The following CNTNAP2 variants were observed in gnomAD, a reference collection of about 807,000 sequenced individuals.
CNTNAP2 encodes contactin associated protein 2, also known as contactin-associated protein-like 2.
CNTNAP2 carries 98 observed loss-of-function variants against 155.2 expected under a neutral mutation model. The ratio of observed to expected loss-of-function variants is 0.63; its 90% CI spans 0.54 to 0.75. The LOEUF is 0.75. Among genes scored for constraint, CNTNAP2 ranks in the 30% least tolerant of loss-of-function variants. The pLI, the probability that CNTNAP2 is intolerant of heterozygous loss-of-function variation, is 0.00. For synonymous variants in CNTNAP2, 651 were observed against 631.2 expected (o/e 1.03, Z -0.47); for missense variants, 1,727 against 1,688.1 (o/e 1.02, Z -0.40).
chr7:147,409,803 C>A (rs1250902926), intron 10 of CNTNAP2, among the ~76,000 whole-genome samples: 1 of 149,336 alleles, frequency 6.7e-6, no homozygotes, highest in Non-Finnish European at 1.5e-5. Context: ...AAAAAAAAAA[C>A]CTCAACATCA....
At chr7:146,719,371 T>C (rs1254736029) in intron 1 of CNTNAP2, among the ~76,000 whole-genome samples, 1 of 152,212 alleles carries the variant, frequency 6.6e-6, no homozygotes, top group Non-Finnish European at 1.5e-5. Context: ...CCCTAAACAA[T>C]CTTAAGTTGA....
At chr7:148,241,331 T>G (rs1019895026) in intron 20 of CNTNAP2, among the ~76,000 whole-genome samples, 3 of 152,218 alleles carry the variant, frequency 2.0e-5, no homozygotes, top group South Asian at 2.1e-4. Flanking sequence ...GATGTCAGGA[T>G]CAGTACCAAC....
chr7:146,170,247 A>T (rs901430865), intron 1 of CNTNAP2, among the ~76,000 whole-genome samples: 2 of 152,084 alleles, frequency 1.3e-5, no homozygotes, highest in African/African-American at 4.8e-5. Flanking sequence ...GCTGGTCTCA[A>T]ACTCCTGACC....
intron 1 of CNTNAP2, among the ~76,000 whole-genome samples, chr7:146,629,091 T>C (rs1335743252): frequency 6.6e-6 from 1 of 152,192 alleles, no homozygotes; most frequent in African/African-American, 2.4e-5. Context: ...TAATGTTATC[T>C]GCTTCCATAC....
chr7:147,339,663 A>G (rs1376215108), intron 9 of CNTNAP2, among the ~76,000 whole-genome samples: 4 of 151,480 alleles, frequency 2.6e-5, no homozygotes, highest in African/African-American at 9.7e-5. Flanking sequence ...TATTCTGTGT[A>G]TACAGAAATC....
chr7:146,378,127 G>A (rs926893328), intron 1 of CNTNAP2, among the ~76,000 whole-genome samples: 8 of 152,114 alleles, frequency 5.3e-5, no homozygotes, highest in African/African-American at 7.2e-5. Flanking sequence ...TGGAGAGTAG[G>A]TGCTTTATAA....
At chr7:146,652,896 T>C (rs1319717842) in intron 1 of CNTNAP2, among the ~76,000 whole-genome samples, 1 of 152,170 alleles carries the variant, frequency 6.6e-6, no homozygotes, top group Non-Finnish European at 1.5e-5. Context: ...AACTTCCTTA[T>C]GTTGTCACTA....
chr7:147,364,909 T>C (rs1229266769), intron 9 of CNTNAP2, among the ~76,000 whole-genome samples: 1 of 152,152 alleles, frequency 6.6e-6, no homozygotes, highest in Non-Finnish European at 1.5e-5. Flanking sequence ...TAAAAATGTT[T>C]AATTTTGATA....
chr7:147,060,874 T>G (rs369604194), intron 4 of CNTNAP2, among the ~76,000 whole-genome samples: 1,792 of 148,416 alleles, frequency 0.012, no homozygotes, highest in African/African-American at 0.038. Context: ...AAAAAAAAAA[T>G]AGAAAAAGAA....
intron 2 of CNTNAP2, among the ~76,000 whole-genome samples, chr7:146,776,643 G>T (rs1412189535): frequency 1.3e-5 from 2 of 152,182 alleles, no homozygotes; most frequent in Non-Finnish European, 2.9e-5. Flanking sequence ...CAGGTTACCA[G>T]ATGCTGAAAC....
intron 1 of CNTNAP2, among the ~76,000 whole-genome samples, chr7:146,463,800 C>T (rs1382545332): frequency 1.3e-5 from 2 of 151,656 alleles, no homozygotes; most frequent in Non-Finnish European, 2.9e-5. Context: ...ATAGTGTTAA[C>T]AAGTGCTAAA....
intron 21 of CNTNAP2, among the ~76,000 whole-genome samples, chr7:148,365,061 C>T (rs1003109238): frequency 1.3e-5 from 2 of 152,162 alleles, no homozygotes; most frequent in East Asian, 1.9e-4. Context: ...CGCGAGGGTC[C>T]GCGGCTTCAT....
At position 147,902,806 on chromosome 7, in the gene CNTNAP2, G is replaced by GTA. The variant is rs1318495860; in HGVS notation, c.2099-758_2099-757insAT. Reference sequence around the variant, plus strand: ...TGTGTGTGTGTGTGTGTGTGTGTGTGTGTGTGTATGTGTGTGTGTGTGTGT... The same window carrying GTA: ...TGTGTGTGTGTGTGTGTGTGTGTGTGTATGTGTGTATGTGTGTGTGTGTGTGT... On this transcript the variant is annotated intron_variant, in intron 13 of 23. Coordinates refer to ENST00000361727, the MANE Select transcript of CNTNAP2 (RefSeq NM_014141.6). Among the ~76,000 whole-genome samples, 28 of 129,698 alleles carry GTA rather than the reference G, an allele frequency of 2.2e-4. No individual in the cohort carries two copies. The Admixed American group carries it at 2.2e-3, about 10-fold the overall frequency. 85.1% of individuals were successfully genotyped at this position (129,698 alleles called of 152,430 possible). A position where few individuals can be genotyped will look rare whatever the true frequency, so the allele number is the denominator to read the frequency against.
chr7:146,988,647 C>T (rs1003102560), intron 3 of CNTNAP2, among the ~76,000 whole-genome samples: 1 of 152,148 alleles, frequency 6.6e-6, no homozygotes, highest in Non-Finnish European at 1.5e-5. Flanking sequence ...TAGTTTAACA[C>T]TGCTCAAAAC....
chr7:147,731,037 T>C (rs1796730721), intron 13 of CNTNAP2, among the ~76,000 whole-genome samples: 1 of 152,076 alleles, frequency 6.6e-6, no homozygotes, highest in Admixed American at 6.6e-5. Context: ...GAAGAAAAAT[T>C]TGAAGCTAGC....
intron 1 of CNTNAP2, among the ~76,000 whole-genome samples, chr7:146,674,330 C>A (rs183797147): frequency 9.7e-4 from 147 of 152,180 alleles, no homozygotes; most frequent in Non-Finnish European, 1.8e-3. Flanking sequence ...GTCTTACGTA[C>A]TTTCTTAGTA....
chr7:148,329,131 A>G (rs73745569), intron 21 of CNTNAP2, among the ~76,000 whole-genome samples: 1,566 of 152,240 alleles, frequency 0.01, 19 homozygotes, highest in African/African-American at 0.035. Flanking sequence ...GACACCCAGC[A>G]GGCTCCCCAG....
At chr7:146,571,161 GTGTC>G (rs900215512) in intron 1 of CNTNAP2, among the ~76,000 whole-genome samples, 36 of 152,158 alleles carry the variant, frequency 2.4e-4, no homozygotes, top group African/African-American at 8.2e-4. Flanking sequence ...TTTTAGTTAA[GTGTC>G]TGTTTTTAAG....
At chr7:146,228,478 T>C (rs1189353142) in intron 1 of CNTNAP2, among the ~76,000 whole-genome samples, 2 of 152,214 alleles carry the variant, frequency 1.3e-5, no homozygotes, top group East Asian at 1.9e-4. Context: ...GCTTAGAACA[T>C]GGCTTTAGCA....
Sources: allele counts gnomAD v4.1 joint callset (sites outside exome capture counted in the v4.1 genomes callset), GRCh38; gene constraint gnomAD v4.1.1; transcripts MANE v1.5; gene names NCBI Gene and HGNC (gene_info 2026-07-23, HGNC 2026-07-21).